The following HMGCLL1 variants were observed in gnomAD, a reference collection of about 807,000 sequenced individuals.
HMGCLL1 encodes 3-hydroxy-3-methylglutaryl-CoA lyase like 1.
In HMGCLL1, 36 loss-of-function variants were observed where a neutral mutation model predicts 39.1. That is an observed-to-expected ratio of 0.92 (90% confidence interval 0.71 to 1.22). HMGCLL1 has a LOEUF of 1.22. HMGCLL1 is among the 50% of genes most tolerant of loss of function. The pLI, the probability that HMGCLL1 is intolerant of heterozygous loss-of-function variation, is 0.00. For synonymous variants in HMGCLL1, 149 were observed against 144.0 expected (o/e 1.03, Z -0.25); for missense variants, 451 against 416.5 (o/e 1.08, Z -0.72).
At chr6:55,603,394 T>C in the HMGCLL1 span, among the ~76,000 whole-genome samples, 2 of 152,108 alleles carry the variant, frequency 1.3e-5, no homozygotes, top group African/African-American at 4.8e-5. Flanking sequence ...TTCCACTTTT[T>C]TAAAGGGTTA....
At chr6:55,563,935 G>GCTC (rs1468761515) in intron 1 of HMGCLL1, 2 of 1,239,022 alleles carry the variant, frequency 1.6e-6, no homozygotes, top group Admixed American at 4.6e-5. Context: ...GAGGAATGAG[G>GCTC]AGCTGTTGAA....
chr6:55,497,763 G>C (rs1766652239), intron 6 of HMGCLL1, among the ~76,000 whole-genome samples: 1 of 152,162 alleles, frequency 6.6e-6, no homozygotes, highest in Non-Finnish European at 1.5e-5. Context: ...GAGAAGGAAG[G>C]ACCTGAGAAG....
At chr6:55,454,614 G>C (rs1355448005) in intron 7 of HMGCLL1, among the ~76,000 whole-genome samples, 2 of 152,176 alleles carry the variant, frequency 1.3e-5, no homozygotes, top group African/African-American at 2.4e-5. Context: ...ATCATGGTTT[G>C]GGTACCATCA....
the HMGCLL1 span, among the ~76,000 whole-genome samples, chr6:55,607,686 G>C: frequency 6.6e-6 from 1 of 152,164 alleles, no homozygotes; most frequent in African/African-American, 2.4e-5. Flanking sequence ...TCACTAGCTT[G>C]ACTTTTCTCT....
chr6:55,447,131 G>A (rs10948923), intron 7 of HMGCLL1, among the ~76,000 whole-genome samples: 19,541 of 151,654 alleles, frequency 0.13, 1,434 homozygotes, highest in Admixed American at 0.17. Context: ...AGTATTACTC[G>A]TAGTTCAGTG....
chr6:55,553,230 C>T (rs1233809139), intron 1 of HMGCLL1, among the ~76,000 whole-genome samples: 2 of 119,882 alleles, frequency 1.7e-5, no homozygotes, highest in East Asian at 4.8e-4. Context: ...TATATATATA[C>T]ATGTATTTAC....
At chr6:55,441,450 A>G (rs1763594587) in intron 7 of HMGCLL1, among the ~76,000 whole-genome samples, 1 of 152,126 alleles carries the variant, frequency 6.6e-6, no homozygotes, top group Non-Finnish European at 1.5e-5. Context: ...AGATCTTATT[A>G]TGGTATATTT....
At chr6:55,518,049 A>G (rs183368589) in intron 3 of HMGCLL1, among the ~76,000 whole-genome samples, 42 of 152,282 alleles carry the variant, frequency 2.8e-4, no homozygotes, top group Non-Finnish European at 5.3e-4. Context: ...CATAAAAGTG[A>G]TATCTCTCAT....
At chr6:55,598,348 G>A in the HMGCLL1 span, among the ~76,000 whole-genome samples, 1 of 152,260 alleles carries the variant, frequency 6.6e-6, no homozygotes, top group East Asian at 1.9e-4. Context: ...TTCTGCCACA[G>A]TAAATGGTGT....
At chr6:55,513,911 T>G (rs983915766) in intron 5 of HMGCLL1, 137 bp downstream of exon 5, 1 of 723,964 alleles carries the variant, frequency 1.4e-6, no homozygotes, top group African/African-American at 1.8e-5. Context: ...TATATAGTGA[T>G]TACCCTGATT....
chr6:55,439,401 G>A, intron 8 of HMGCLL1, 33 bp downstream of exon 8: 2 of 1,584,408 alleles, frequency 1.3e-6, no homozygotes, highest in Non-Finnish European at 1.7e-6. Flanking sequence ...TGCAAGGAAT[G>A]CATGAATATT....
intron 7 of HMGCLL1, among the ~76,000 whole-genome samples, chr6:55,475,068 C>T (rs972752025): frequency 4.0e-5 from 6 of 151,484 alleles, no homozygotes; most frequent in East Asian, 1.9e-4. Context: ...TGTTGACCTT[C>T]CCAAGTGTTT....
At chr6:55,666,236 T>C in the HMGCLL1 span, among the ~76,000 whole-genome samples, 1 of 151,674 alleles carries the variant, frequency 6.6e-6, no homozygotes, top group Non-Finnish European at 1.5e-5. Context: ...ATTTTATAAA[T>C]AGGGCCTAGA....
chr6:55,637,756 CTG>C, the HMGCLL1 span, among the ~76,000 whole-genome samples: 1 of 144,004 alleles, frequency 6.9e-6, no homozygotes, highest in African/African-American at 2.6e-5. Flanking sequence ...CTGTGTGTGT[CTG>C]TGTGTGTGTG....
chr6:55,480,889 C>A (rs925668197), intron 7 of HMGCLL1, among the ~76,000 whole-genome samples: 4 of 152,062 alleles, frequency 2.6e-5, no homozygotes, highest in African/African-American at 9.7e-5. Context: ...CACAGAAAGA[C>A]AAACTTCACT....
chr6:55,608,318 CA>C, the HMGCLL1 span, among the ~76,000 whole-genome samples: 1 of 152,142 alleles, frequency 6.6e-6, no homozygotes, highest in Non-Finnish European at 1.5e-5. Context: ...TTGACTCTGC[CA>C]GAGACAAATT....
chr6:55,552,673 A>G, intron 1 of HMGCLL1, among the ~76,000 whole-genome samples: 1 of 151,962 alleles, frequency 6.6e-6, no homozygotes, highest in Non-Finnish European at 1.5e-5. Context: ...CTGAGTGGAC[A>G]TTTAATGTGT....
At chr6:55,499,721 T>G (rs972538865) in intron 5 of HMGCLL1, among the ~76,000 whole-genome samples, 1 of 152,044 alleles carries the variant, frequency 6.6e-6, no homozygotes, top group African/African-American at 2.4e-5. Flanking sequence ...TTCTTCTTAC[T>G]CCCATCTGGA....
chr6:55,480,561 C>T (rs1581836542), intron 7 of HMGCLL1, among the ~76,000 whole-genome samples: 1 of 151,586 alleles, frequency 6.6e-6, no homozygotes, highest in South Asian at 2.1e-4. Context: ...TTTGGAGATT[C>T]CTCAAAGTAA....
Sources: allele counts gnomAD v4.1 joint callset (sites outside exome capture counted in the v4.1 genomes callset), GRCh38; gene constraint gnomAD v4.1.1; transcripts MANE v1.5; gene names NCBI Gene and HGNC (gene_info 2026-07-23, HGNC 2026-07-21).